LINC02747: variants seen among roughly 807,000 people sequenced by gnomAD.
The protein encoded by LINC02747 is CCND1-upstream intergenic DNA repair 2.
intron 1 of LINC02747, chr11:69,480,039 T>C (rs577743439): frequency 5.3e-5 from 8 of 152,310 alleles, no homozygotes; most frequent in African/African-American, 1.9e-4. Flanking sequence ...TCAGCCCCCT[T>C]TGGGCAAACG....
At chr11:69,478,530 A>T (rs1174804794) in intron 1 of LINC02747, among the ~76,000 whole-genome samples, 1 of 152,196 alleles carries the variant, frequency 6.6e-6, no homozygotes, top group Non-Finnish European at 1.5e-5. Context: ...AATATTTCAC[A>T]AAGGAATATG....
intron 1 of LINC02747, among the ~76,000 whole-genome samples, chr11:69,478,226 C>A (rs1307187229): frequency 2.0e-5 from 3 of 152,174 alleles, no homozygotes; most frequent in Non-Finnish European, 4.4e-5. Context: ...CGAGGGTAAG[C>A]CGTGTGGGGC....
intron 1 of LINC02747, among the ~76,000 whole-genome samples, chr11:69,481,248 C>T (rs59856777): frequency 6.6e-6 from 1 of 152,206 alleles, no homozygotes; most frequent in South Asian, 2.1e-4. Flanking sequence ...ACTCTGCCAC[C>T]ATTAGAATGG....
At chr11:69,478,929 G>A (rs1395734272) in intron 1 of LINC02747, among the ~76,000 whole-genome samples, 2 of 151,366 alleles carry the variant, frequency 1.3e-5, no homozygotes, top group Non-Finnish European at 2.9e-5. Flanking sequence ...AAAATATAAA[G>A]TTACAAAACA....
intron 1 of LINC02747, among the ~76,000 whole-genome samples, chr11:69,480,983 G>T (rs569361369): frequency 1.5e-4 from 23 of 152,320 alleles, no homozygotes; most frequent in African/African-American, 5.5e-4. Context: ...TGAGTGCACA[G>T]CCCGCTAGCA....
chr11:69,478,551 A>G (rs1857016818), intron 1 of LINC02747, among the ~76,000 whole-genome samples: 1 of 152,216 alleles, frequency 6.6e-6, no homozygotes, highest in Non-Finnish European at 1.5e-5. Context: ...TTCCTAAAAA[A>G]TAGCAATTAG....
At chr11:69,478,304 G>A (rs115844226) in intron 1 of LINC02747, among the ~76,000 whole-genome samples, 1,641 of 152,172 alleles carry the variant, frequency 0.011, 31 homozygotes, top group African/African-American at 0.037. Context: ...TTGGTCCTCC[G>A]TCCTGCTGAC....
At chr11:69,478,814 C>T (rs183820225) in intron 1 of LINC02747, among the ~76,000 whole-genome samples, 18 of 152,194 alleles carry the variant, frequency 1.2e-4, no homozygotes, top group East Asian at 3.9e-4. Context: ...TGCAGCGAGC[C>T]GAGATTGTGC....
exon 2 of LINC02747, chr11:69,476,251 G>A (rs1856992985): frequency 6.6e-6 from 1 of 152,262 alleles, no homozygotes; most frequent in Admixed American, 6.5e-5. Flanking sequence ...TCACGCCGGA[G>A]GCAGCCAAAA....
intron 1 of LINC02747, chr11:69,479,801 C>T (rs953123510): frequency 1.3e-5 from 2 of 152,436 alleles, no homozygotes; most frequent in African/African-American, 2.4e-5. Context: ...TCTTCCTAGC[C>T]TGGGGGGCCT....
At chr11:69,476,007 G>A (rs1018909993) in exon 2 of LINC02747, 15 of 152,196 alleles carry the variant, frequency 9.9e-5, no homozygotes, top group African/African-American at 3.6e-4. Context: ...CCCTGGGTGG[G>A]TGAGGACAGG....
At chr11:69,478,983 G>A (rs1028012965) in intron 1 of LINC02747, among the ~76,000 whole-genome samples, 8 of 152,038 alleles carry the variant, frequency 5.3e-5, no homozygotes, top group African/African-American at 1.4e-4. Context: ...GGCCAGGTGC[G>A]GTGGCTCACG....
intron 1 of LINC02747, among the ~76,000 whole-genome samples, chr11:69,480,653 C>T (rs543042623): frequency 6.6e-5 from 10 of 152,328 alleles, no homozygotes; most frequent in East Asian, 3.9e-4. Flanking sequence ...CATCATCATC[C>T]GGACTCAACT....
At chr11:69,479,071 G>T (rs1857022672) in intron 1 of LINC02747, among the ~76,000 whole-genome samples, 1 of 151,784 alleles carries the variant, frequency 6.6e-6, no homozygotes, top group Non-Finnish European at 1.5e-5. Flanking sequence ...CCTGGCCAAT[G>T]TGATGAAACC....
At chr11:69,481,021 A>G (rs1268500472) in intron 1 of LINC02747, among the ~76,000 whole-genome samples, 3 of 152,186 alleles carry the variant, frequency 2.0e-5, no homozygotes, top group Non-Finnish European at 2.9e-5. Flanking sequence ...AGGCACCTAC[A>G]GTGTGCTGGG....
exon 2 of LINC02747, chr11:69,475,975 C>T (rs1177641299): frequency 6.6e-6 from 1 of 152,226 alleles, no homozygotes; most frequent in Non-Finnish European, 1.5e-5. Flanking sequence ...GCACCGCACA[C>T]CCTGGAGAGC....
chr11:69,481,516 G>T (rs1857048240), exon 1 of LINC02747: 1 of 152,324 alleles, frequency 6.6e-6, no homozygotes, highest in Non-Finnish European at 1.5e-5. Flanking sequence ...CCTGAATCAG[G>T]TCCTCACATA....
At chr11:69,480,210 C>G (rs1450696723) in intron 1 of LINC02747, among the ~76,000 whole-genome samples, 1 of 152,138 alleles carries the variant, frequency 6.6e-6, no homozygotes, top group South Asian at 2.1e-4. Flanking sequence ...GGTGACATGG[C>G]GAGCCTGGGC....
At chr11:69,481,126 T>C (rs925256125) in intron 1 of LINC02747, among the ~76,000 whole-genome samples, 8 of 152,162 alleles carry the variant, frequency 5.3e-5, no homozygotes, top group African/African-American at 1.4e-4. Context: ...CCTCCTTCCG[T>C]CAGAGCAGCC....
Sources: allele counts gnomAD v4.1 joint callset (sites outside exome capture counted in the v4.1 genomes callset), GRCh38; gene constraint gnomAD v4.1.1; transcripts MANE v1.5; gene names NCBI Gene and HGNC (gene_info 2026-07-23, HGNC 2026-07-21).